The following UBE2D4 variants were observed in gnomAD, a reference collection of about 807,000 sequenced individuals.
UBE2D4 encodes ubiquitin-conjugating enzyme E2 D4.
UBE2D4 carries 17 observed loss-of-function variants against 23.0 expected under a neutral mutation model. The observed-to-expected ratio is 0.74, with a 90% confidence interval of 0.51 to 1.11. The LOEUF (loss-of-function observed/expected upper bound fraction) is 1.11. Ranked by LOEUF, UBE2D4 falls within the 50% of genes least tolerant of loss-of-function variation. The pLI, the probability that UBE2D4 is intolerant of heterozygous loss-of-function variation, is 0.00. For synonymous variants in UBE2D4, 61 were observed against 69.4 expected (o/e 0.88, Z 0.60); for missense variants, 139 against 181.8 (o/e 0.76, Z 1.35).
intron 3 of UBE2D4, 42 bp downstream of exon 3, chr7:43,942,899 T>C (rs747330879): frequency 6.4e-5 from 103 of 1,614,086 alleles, no homozygotes; most frequent in Non-Finnish European, 8.3e-5. Flanking sequence ...GTTTTGCTTC[T>C]TGCACTTTGG....
chr7:43,930,817 T>C (rs1194915430), intron 1 of UBE2D4, among the ~76,000 whole-genome samples: 3 of 152,044 alleles, frequency 2.0e-5, no homozygotes. Flanking sequence ...TTGATACGTG[T>C]ATTAGTCCAT....
chr7:43,934,982 A>G (rs1585861206), intron 1 of UBE2D4, among the ~76,000 whole-genome samples: 1 of 152,192 alleles, frequency 6.6e-6, no homozygotes, highest in Non-Finnish European at 1.5e-5. Context: ...AAAATGTAAC[A>G]TAGCCTTGTT....
chr7:43,934,310 C>G (rs1215607813), intron 1 of UBE2D4, among the ~76,000 whole-genome samples: 1 of 151,930 alleles, frequency 6.6e-6, no homozygotes, highest in Non-Finnish European at 1.5e-5. Context: ...GTAGAGGACT[C>G]TAAGAATTGC....
chr7:43,929,109 A>T (rs2095939923), intron 1 of UBE2D4, among the ~76,000 whole-genome samples: 1 of 152,060 alleles, frequency 6.6e-6, no homozygotes, highest in Non-Finnish European at 1.5e-5. Context: ...TGGGCAACAC[A>T]GCAAAATTCC....
chr7:43,941,755 A>AATTG (rs1439135581), intron 2 of UBE2D4: 1 of 152,208 alleles, frequency 6.6e-6, no homozygotes, highest in Non-Finnish European at 1.5e-5. Flanking sequence ...GAACTGACTG[A>AATTG]ATTGTAGTTA....
intron 4 of UBE2D4, among the ~76,000 whole-genome samples, chr7:43,946,856 C>G (rs947339637): frequency 4.0e-5 from 6 of 151,824 alleles, no homozygotes; most frequent in Admixed American, 1.3e-4. Context: ...GGCAGAGGGT[C>G]CACGGCCTGA....
Position 43,938,413 on chromosome 7 carries a change from C to T in UBE2D4, c.25-18C>T, listed in dbSNP as rs750099129. 2.5e-6 allele frequency: 4 copies of T among 1,613,334 alleles called. No homozygotes were observed. Among genetic ancestry groups the T allele is most frequent in the Non-Finnish European group, 3.4e-6 (4 of 1,179,410 alleles). On this transcript the variant is annotated intron_variant, in intron 1 of 6. Coordinates refer to ENST00000222402, the MANE Select transcript of UBE2D4 (RefSeq NM_015983.4). Reference sequence around the variant, plus strand: ...TCCCCAGCATACAGCAGCTCTGACCCACTCTCTCATGTTCTAGGAATTAAC... The same window carrying T: ...TCCCCAGCATACAGCAGCTCTGACCTACTCTCTCATGTTCTAGGAATTAAC...
rs2096005585 is a variant in UBE2D4 at position 43,952,686 on chromosome 7, T to C, written c.435T>C (p.Tyr145=). Residue 145 remains tyrosine (Y), a synonymous_variant, in exon 7 of 7, where the codon TAT becomes TAC. Transcript: ENST00000222402. ...TAGCAAGAGAGTGGACACAAAAATATGCTATGTAAGTGCCTTGGAGGTTTT... is the reference window on the plus strand; with the variant it reads ...TAGCAAGAGAGTGGACACAAAAATACGCTATGTAAGTGCCTTGGAGGTTTT... ...NRLAREWTQK[Y]AM is the part of the protein sequence containing the mutation. The C allele has an allele frequency of 1.2e-6, 2 of 1,613,724 alleles. No individual in the cohort carries two copies. Among genetic ancestry groups the C allele is most frequent in the African/African-American group, 1.3e-5 (1 of 74,908 alleles).
intron 1 of UBE2D4, among the ~76,000 whole-genome samples, chr7:43,927,305 T>A (rs1446496336): frequency 6.6e-6 from 1 of 150,850 alleles, no homozygotes; most frequent in Non-Finnish European, 1.5e-5. Flanking sequence ...ATAACTTTTT[T>A]TTTTTTTTTT....
chr7:43,928,040 T>A, intron 1 of UBE2D4: 1 of 454,008 alleles, frequency 2.2e-6, no homozygotes, highest in Middle Eastern at 4.3e-4. Flanking sequence ...GGTGCCAGCA[T>A]CTGCTTCTGG....
intron 5 of UBE2D4, among the ~76,000 whole-genome samples, chr7:43,949,965 C>G (rs1249146798): frequency 6.6e-6 from 1 of 152,148 alleles, no homozygotes; most frequent in Admixed American, 6.5e-5. Context: ...AGAGATTCTC[C>G]TGCCTCAGCC....
chr7:43,953,072 C>A lies in UBE2D4; in HGVS notation c.*377C>A. 2.2e-6 allele frequency: 1 copy of A among 453,254 alleles called. No homozygotes were observed. The allele number at this position is 453,254 out of a possible 1,614,324, so 28.1% of individuals were successfully genotyped here. On this transcript the variant is annotated 3_prime_UTR_variant, in exon 7 of 7. Transcript: ENST00000222402. ...GATGGTACCACACCAGGGCCTCAGC[C>A]TGGCCCCTCACCACATACCCTTTGC...
chr7:43,952,429 T>C (rs2096004849), intron 6 of UBE2D4: 1 of 508,404 alleles, frequency 2.0e-6, no homozygotes, highest in African/African-American at 1.9e-5. Context: ...AATCAACAGT[T>C]TGGGGTTTAC....
At chr7:43,936,150 G>A (rs1025732063) in intron 1 of UBE2D4, among the ~76,000 whole-genome samples, 1 of 152,276 alleles carries the variant, frequency 6.6e-6, no homozygotes, top group Non-Finnish European at 1.5e-5. Context: ...TGGGATTACC[G>A]GCATGAACCA....
In UBE2D4 at chr7:43,954,822, A is replaced by C. The variant is rs1417824854; in HGVS notation, c.*2127A>C. ...GTCAGGGAAGGTGGGACTGATTCAC[A>C]TGTTAGAGACAGGTCAGATGGGAAA... On this transcript the variant is annotated 3_prime_UTR_variant, in exon 7 of 7. Coordinates refer to ENST00000222402, the MANE Select transcript of UBE2D4 (RefSeq NM_015983.4). The C allele has an allele frequency of 6.6e-6, 1 of 152,176 alleles. No homozygotes were observed. Among genetic ancestry groups the C allele is most frequent in the African/African-American group, 2.4e-5 (1 of 41,432 alleles). The allele number at this position is 152,176 out of a possible 1,614,324, so 9.4% of individuals were successfully genotyped here.
rs2096012342 is a variant in UBE2D4 at position 43,955,963 on chromosome 7, C to T, written c.*3268C>T. The T allele has an allele frequency of 6.6e-6, 1 of 152,196 alleles. No individual in the cohort carries two copies. Among genetic ancestry groups the T allele is most frequent in the South Asian group, 2.1e-4 (1 of 4,824 alleles). 9.4% of individuals were successfully genotyped at this position (152,196 alleles called of 1,614,324 possible). On this transcript the variant is annotated 3_prime_UTR_variant, in exon 7 of 7. Coordinates refer to ENST00000222402, the MANE Select transcript of UBE2D4 (RefSeq NM_015983.4). ...GCAGCAAGCCATCCTGAACAGCGTTCCTCCCAGAGTCTGTTTCCTCACCTG... is the reference window on the plus strand; with the variant it reads ...GCAGCAAGCCATCCTGAACAGCGTTTCTCCCAGAGTCTGTTTCCTCACCTG...
chr7:43,930,274 C>T (rs767459616), intron 1 of UBE2D4, among the ~76,000 whole-genome samples: 16 of 152,094 alleles, frequency 1.1e-4, no homozygotes, highest in African/African-American at 1.7e-4. Flanking sequence ...AGGAGGAAGG[C>T]GGATGGGTGC....
Position 43,953,571 on chromosome 7 carries a change from T to C in UBE2D4, c.*876T>C. 1 of 193,162 alleles carries C rather than the reference T, an allele frequency of 5.2e-6. No individual in the cohort carries two copies. The allele number at this position is 193,162 out of a possible 1,614,324, so 12.0% of individuals were successfully genotyped here. ...GCAATTCACTCACAACTCTAAATGA[T>C]AATTGACATTTCAGCCTCTTTCTTT... On this transcript the variant is annotated 3_prime_UTR_variant, in exon 7 of 7. Transcript: ENST00000222402.
At chr7:43,945,167 A>G (rs963807831) in intron 4 of UBE2D4, among the ~76,000 whole-genome samples, 1 of 151,924 alleles carries the variant, frequency 6.6e-6, no homozygotes, top group African/African-American at 2.4e-5. Context: ...AATTTTTTGT[A>G]TTTTTAGTAA....
Sources: allele counts gnomAD v4.1 joint callset (sites outside exome capture counted in the v4.1 genomes callset), GRCh38; gene constraint gnomAD v4.1.1; transcripts MANE v1.5; gene names NCBI Gene and HGNC (gene_info 2026-07-23, HGNC 2026-07-21).